SLC22A24: variants seen among roughly 807,000 people sequenced by gnomAD.
SLC22A24 encodes the protein solute carrier family 22 member 24.
SLC22A24 carries 53 observed loss-of-function variants against 49.8 expected under a neutral mutation model. The observed-to-expected ratio is 1.06, with a 90% CI of 0.85 to 1.34. The LOEUF is 1.34. SLC22A24 is among the 40% of genes most tolerant of loss of function. The probability of loss-of-function intolerance (pLI) is 0.00; values close to 1 mark genes in which losing one functional copy is unlikely to be tolerated. For missense variants in SLC22A24, 786 were observed against 675.9 expected, an observed-to-expected ratio of 1.16 and a Z score of -1.81; for synonymous variants, 302 against 256.4, an observed-to-expected ratio of 1.18 and a Z score of -1.70.
chr11:63,113,203 C>CATATATATACACATATATATATACAT lies in SLC22A24; in HGVS notation c.830+5708_830+5709insATGTATATATATATGTGTATATATAT, dbSNP rs1565332333. On this transcript the variant is annotated intron_variant, in intron 4 of 9. Coordinates refer to ENST00000612278, the MANE Select transcript of SLC22A24 (RefSeq NM_001136506.2). ...ATATATATATACACATATATATATA[C>CATATATATACACATATATATATACAT]ATATATATACACATATATATATATA... 1.3e-3 allele frequency among the ~76,000 whole-genome samples: 5 copies of CATATATATACACATATATATATACAT among 3,746 alleles called. 1 individual carries two copies. The South Asian group carries it at 0.054, about 40-fold the overall frequency. The allele number at this position is 3,746 out of a possible 152,430, so 2.5% of individuals were successfully genotyped here. A position where few individuals can be genotyped will look rare whatever the true frequency, so the allele number is the denominator to read the frequency against.
At chr11:63,128,781 C>T (rs1350107759) in intron 2 of SLC22A24, among the ~76,000 whole-genome samples, 30 of 152,162 alleles carry the variant, frequency 2.0e-4, no homozygotes, top group Non-Finnish European at 1.5e-5. Flanking sequence ...CTTACCCTGC[C>T]CCCTTGTCTT....
intron 6 of SLC22A24, among the ~76,000 whole-genome samples, chr11:63,092,404 C>A (rs1039094025): frequency 6.8e-6 from 1 of 147,440 alleles, no homozygotes. Context: ...AAAACTAGTT[C>A]AAATTTCAAA....
chr11:63,133,183 G>A (rs1237038496), intron 2 of SLC22A24, among the ~76,000 whole-genome samples: 1 of 152,106 alleles, frequency 6.6e-6, no homozygotes, highest in Non-Finnish European at 1.5e-5. Flanking sequence ...TGCAGTATTT[G>A]GTCAGGAGTG....
intron 5 of SLC22A24, among the ~76,000 whole-genome samples, chr11:63,097,202 A>C (rs2087059981): frequency 1.4e-5 from 2 of 146,008 alleles, no homozygotes; most frequent in African/African-American, 5.0e-5. Context: ...AATATCCAGA[A>C]TCTACAAGGA....
At chr11:63,097,301 A>T (rs189477245) in intron 5 of SLC22A24, among the ~76,000 whole-genome samples, 67 of 152,350 alleles carry the variant, frequency 4.4e-4, no homozygotes, top group African/African-American at 1.5e-3. Context: ...GAAGATATTT[A>T]TGCAGCCAAC....
chr11:63,138,845 C>T (rs970612944), intron 1 of SLC22A24, among the ~76,000 whole-genome samples: 2 of 148,818 alleles, frequency 1.3e-5, no homozygotes, highest in African/African-American at 2.6e-5. Context: ...AAGGTTTTTT[C>T]CCCCCCATGG....
intron 2 of SLC22A24, among the ~76,000 whole-genome samples, chr11:63,129,820 T>C (rs905704393): frequency 1.1e-4 from 16 of 152,216 alleles, no homozygotes; most frequent in Non-Finnish European, 1.8e-4. Flanking sequence ...TTTTTCCACA[T>C]TAATTTTTTA....
rs1590726451 is a variant in SLC22A24, at chr11:63,083,249, G to A, written c.1279C>T (p.Pro427Ser). The A allele has an allele frequency of 6.4e-7, 1 of 1,553,818 alleles. No individual in the cohort carries two copies. The highest frequency in any genetic ancestry group is 8.7e-7 in the Non-Finnish European group (1 of 1,147,880). Residue 427 changes from proline (P) to serine (S), a missense_variant, in exon 7 of 10, where the codon CCC becomes TCC. Pro to Ser is a moderately conservative substitution (Grantham distance 74). Transcript: ENST00000612278. ...AAACTCCTGTCTCTCTCACCTTGGG[G>A]CAAAAAGGTGTTGACCAGAATGAAA... ...GLFILVNTFL[P>S]QEMQILRVVL...
intron 1 of SLC22A24, chr11:63,137,861 G>C (rs2087386653): frequency 6.6e-6 from 1 of 152,182 alleles, no homozygotes; most frequent in African/African-American, 2.4e-5. Flanking sequence ...CTGGAAACCT[G>C]ATATACCAGC....
chr11:63,125,698 T>C (rs1030525272), intron 2 of SLC22A24, among the ~76,000 whole-genome samples: 1 of 152,180 alleles, frequency 6.6e-6, no homozygotes, highest in Non-Finnish European at 1.5e-5. Context: ...GGTGAAATAA[T>C]ATTTCTGGTT....
At chr11:63,090,080 C>CAAAAAAAAAAAAAGAAAAAA (rs2087010408) in intron 6 of SLC22A24, among the ~76,000 whole-genome samples, 1 of 64,692 alleles carries the variant, frequency 1.5e-5, no homozygotes, top group African/African-American at 6.6e-5. Context: ...GACTCTGTCT[C>CAAAAAAAAAAAAAGAAAAAA]AAAAAAAAAA....
chr11:63,103,921 CT>C (rs2134651037), intron 5 of SLC22A24, among the ~76,000 whole-genome samples: 1 of 152,222 alleles, frequency 6.6e-6, no homozygotes, highest in South Asian at 2.1e-4. Context: ...TTACTTTCCC[CT>C]ATACGTCTAG....
chr11:63,104,214 T>A lies in SLC22A24; in HGVS notation c.915A>T (p.Ile305=). ...TCTCTTCAGTATTCTTTTTTCCATTTATGTGTGCAACTCTTCTAAGCTCCT... is the reference window on the plus strand; with the variant it reads ...TCTCTTCAGTATTCTTTTTTCCATTAATGTGTGCAACTCTTCTAAGCTCCT... The part of the protein sequence containing the change: ...GLKELRRVAH[I]NGKKNTEETL... Residue 305 remains isoleucine (I), a synonymous_variant, in exon 5 of 10, where the codon ATA becomes ATT. Coordinates refer to ENST00000612278, the MANE Select transcript of SLC22A24 (RefSeq NM_001136506.2). 1.3e-6 allele frequency: 2 copies of A among 1,550,770 alleles called. No individual in the cohort carries two copies. Among genetic ancestry groups the A allele is most frequent in the South Asian group, 2.4e-5 (2 of 84,062 alleles).
chr11:63,119,200 C>A lies in SLC22A24; in HGVS notation c.642G>T (p.Leu214Phe). 6.5e-7 allele frequency: 1 copy of A among 1,543,436 alleles called. No individual in the cohort carries two copies. Residue 214 changes from leucine (L) to phenylalanine (F), a missense_variant, in exon 3 of 10, where the codon TTG (leucine) becomes TTT (phenylalanine). Leu to Phe is a conservative substitution (Grantham distance 22). Transcript: ENST00000612278. Reference protein sequence around the residue: ...FLAGFSTMTILGNTFILSLEW... With the variant: ...FLAGFSTMTIFGNTFILSLEW... ...ACTTACTGAGAATAAAAGTGTTTCCCAAAATAGTCATGGTGGAGAACCCTG... is the reference window on the plus strand; with the variant it reads ...ACTTACTGAGAATAAAAGTGTTTCCAAAAATAGTCATGGTGGAGAACCCTG...
chr11:63,112,068 TC>T (rs974198601), intron 4 of SLC22A24, among the ~76,000 whole-genome samples: 13 of 152,242 alleles, frequency 8.5e-5, no homozygotes, highest in African/African-American at 3.1e-4. Context: ...CTCGTTGGTT[TC>T]AAAGAACATC....
intron 2 of SLC22A24, among the ~76,000 whole-genome samples, chr11:63,134,242 G>T (rs186176192): frequency 3.9e-5 from 6 of 152,062 alleles, no homozygotes; most frequent in African/African-American, 9.7e-5. Flanking sequence ...CTCTCACAGG[G>T]TCTAGGTGGT....
intron 1 of SLC22A24, among the ~76,000 whole-genome samples, chr11:63,136,338 G>A (rs2087374292): frequency 6.6e-6 from 1 of 152,172 alleles, no homozygotes; most frequent in South Asian, 2.1e-4. Flanking sequence ...CATCTGAGAA[G>A]TATGCTCAGC....
At chr11:63,132,615 C>CTGCAGAACAGCAAATAT (rs1028449832) in intron 2 of SLC22A24, among the ~76,000 whole-genome samples, 2 of 152,214 alleles carry the variant, frequency 1.3e-5, no homozygotes, top group African/African-American at 2.4e-5. Context: ...CTAGCAGAAG[C>CTGCAGAACAGCAAATAT]TGCAGAACAG....
intron 4 of SLC22A24, among the ~76,000 whole-genome samples, chr11:63,106,685 A>G (rs1452420229): frequency 5.1e-5 from 6 of 118,138 alleles, no homozygotes; most frequent in Non-Finnish European, 7.5e-5. Context: ...GCCAGTGATG[A>G]TGAGCATTTT....
Sources: allele counts gnomAD v4.1 joint callset (sites outside exome capture counted in the v4.1 genomes callset), GRCh38; gene constraint gnomAD v4.1.1; transcripts MANE v1.5; gene names NCBI Gene and HGNC (gene_info 2026-07-23, HGNC 2026-07-21).